Variants in DISC1 observed in about 807,000 individuals in gnomAD.
DISC1 encodes the protein disrupted in schizophrenia 1 protein.
In DISC1, 57 loss-of-function variants were observed where a neutral mutation model predicts 84.5. The ratio of observed to expected loss-of-function variants is 0.67; its 90% CI spans 0.55 to 0.84. The LOEUF is 0.84. Among genes scored for constraint, DISC1 ranks in the 40% least tolerant of loss-of-function variants. The probability of loss-of-function intolerance (pLI) is 0.00; values close to 1 mark genes in which losing one functional copy is unlikely to be tolerated. For synonymous variants in DISC1, 411 were observed against 415.2 expected (o/e 0.99, Z 0.12); for missense variants, 1,000 against 1,057.8 (o/e 0.95, Z 0.76).
chr1:231,664,903 TA>T (rs35686173), intron 1 of DISC1, among the ~76,000 whole-genome samples: 1,558 of 147,320 alleles, frequency 0.011, 25 homozygotes, highest in African/African-American at 0.033. Flanking sequence ...CCTAGAAATA[TA>T]AAAAAAAAAT....
At chr1:231,901,610 A>G (rs1413578213) in intron 9 of DISC1, among the ~76,000 whole-genome samples, 1 of 152,200 alleles carries the variant, frequency 6.6e-6, no homozygotes, top group Non-Finnish European at 1.5e-5. Context: ...TGTATGGCAC[A>G]CTGCAGACAC....
intron 9 of DISC1, among the ~76,000 whole-genome samples, chr1:231,868,996 T>C (rs766675304): frequency 6.6e-6 from 1 of 152,012 alleles, no homozygotes; most frequent in Non-Finnish European, 1.5e-5. Flanking sequence ...GGGTATGTAC[T>C]GTCCCCCACC....
At chr1:231,747,265 T>G (rs11580595) in intron 3 of DISC1, among the ~76,000 whole-genome samples, 37,253 of 151,902 alleles carry the variant, frequency 0.25, 4,953 homozygotes, top group East Asian at 0.43. Context: ...CAGAAGATTT[T>G]TAATTTGATA....
intron 1 of DISC1, among the ~76,000 whole-genome samples, chr1:231,650,731 T>C (rs2060543316): frequency 6.6e-6 from 1 of 152,236 alleles, no homozygotes; most frequent in African/African-American, 2.4e-5. Context: ...TTTCACATAG[T>C]CTCATATTTC....
intron 9 of DISC1, among the ~76,000 whole-genome samples, chr1:231,907,129 T>TCCCTCCCTC (rs1558717532): frequency 2.1e-5 from 1 of 46,738 alleles, no homozygotes; most frequent in African/African-American, 9.4e-5. Context: ...CTTCCTTCCT[T>TCCCTCCCTC]CCTCTTTCTT....
At chr1:231,906,935 G>A (rs558363462) in intron 9 of DISC1, among the ~76,000 whole-genome samples, 1 of 148,520 alleles carries the variant, frequency 6.7e-6, no homozygotes, top group Admixed American at 6.7e-5. Context: ...TAAGCCTAAA[G>A]AATCTTTCTT....
chr1:231,959,291 G>A, intron 10 of DISC1: 1 of 986,528 alleles, frequency 1.0e-6, no homozygotes. Flanking sequence ...CACGTCTTAG[G>A]TTCTGTTTTG....
At chr1:231,787,261 A>G (rs1478625696) in intron 6 of DISC1, among the ~76,000 whole-genome samples, 2 of 152,130 alleles carry the variant, frequency 1.3e-5, no homozygotes, top group Non-Finnish European at 2.9e-5. Context: ...AGTAATTTAT[A>G]AAGAGAGGAG....
chr1:231,662,867 A>G (rs1186802844), intron 1 of DISC1, among the ~76,000 whole-genome samples: 1 of 152,272 alleles, frequency 6.6e-6, no homozygotes, highest in Non-Finnish European at 1.5e-5. Context: ...TCAACAAAAC[A>G]CAAAGAAAAC....
chr1:231,951,316 G>T (rs934169352), intron 9 of DISC1, among the ~76,000 whole-genome samples: 13 of 152,180 alleles, frequency 8.5e-5, no homozygotes, highest in Non-Finnish European at 1.9e-4. Flanking sequence ...TAGCTACTCT[G>T]TCTTCCTTTG....
chr1:231,805,649 C>T (rs911949993), intron 8 of DISC1, among the ~76,000 whole-genome samples: 1 of 152,078 alleles, frequency 6.6e-6, no homozygotes, highest in Non-Finnish European at 1.5e-5. Context: ...GAGAAACTGC[C>T]CCTATGATCC....
chr1:231,951,588 T>C (rs1408124760), intron 9 of DISC1, among the ~76,000 whole-genome samples: 1 of 152,224 alleles, frequency 6.6e-6, no homozygotes, highest in Non-Finnish European at 1.5e-5. Context: ...CAAATCTCCC[T>C]CCATGACGCT....
intron 10 of DISC1, among the ~76,000 whole-genome samples, chr1:232,002,760 T>A (rs568250409): frequency 6.6e-6 from 1 of 152,242 alleles, no homozygotes; most frequent in East Asian, 1.9e-4. Flanking sequence ...GGGGGAGGCA[T>A]GGGACGTAGG....
intron 11 of DISC1, among the ~76,000 whole-genome samples, chr1:232,021,349 C>A (rs1291618428): frequency 1.6e-5 from 2 of 123,800 alleles, no homozygotes; most frequent in Admixed American, 8.5e-5. Flanking sequence ...CACACACACA[C>A]ACACACACAC....
intron 6 of DISC1, among the ~76,000 whole-genome samples, chr1:231,781,863 G>A (rs563255748): frequency 1.3e-5 from 2 of 152,346 alleles, no homozygotes; most frequent in South Asian, 4.1e-4. Flanking sequence ...AGGTAATTTA[G>A]CTCTGCTCAG....
At chr1:231,916,654 C>CAAAAAA (rs3083755) in intron 9 of DISC1, among the ~76,000 whole-genome samples, 3 of 102,084 alleles carry the variant, frequency 2.9e-5, no homozygotes, top group Non-Finnish European at 2.1e-5. Context: ...GACTCCGTCT[C>CAAAAAA]AAAAAAAAAA....
intron 1 of DISC1, among the ~76,000 whole-genome samples, chr1:231,660,034 T>A (rs1417867524): frequency 1.3e-5 from 2 of 152,180 alleles, no homozygotes; most frequent in African/African-American, 4.8e-5. Flanking sequence ...CTTTATTAAT[T>A]TTCTGTCTTG....
chr1:231,818,543 G>T, intron 9 of DISC1, 26 bp downstream of exon 9: 2 of 1,613,518 alleles, frequency 1.2e-6, no homozygotes, highest in Non-Finnish European at 8.5e-7. Context: ...CTGTTCCCCG[G>T]CAAGATATTG....
rs917896137 is a variant in DISC1, at chr1:231,888,461, C to T, written c.1981+69944C>T. ...AGAAGGCTTAGAAGAGTGTCCACCCCAGGCCAGGTGCGGTGGCTCACACCT... is the reference window on the plus strand; with the variant it reads ...AGAAGGCTTAGAAGAGTGTCCACCCTAGGCCAGGTGCGGTGGCTCACACCT... On this transcript the variant is annotated intron_variant, in intron 9 of 12. Coordinates refer to ENST00000439617, the MANE Select transcript of DISC1 (RefSeq NM_018662.3). Among the ~76,000 whole-genome samples, 5 of 151,958 alleles carry T rather than the reference C, an allele frequency of 3.3e-5. No homozygotes were observed. The East Asian group carries it at 9.7e-4, about 30-fold the overall frequency.
Sources: allele counts gnomAD v4.1 joint callset (sites outside exome capture counted in the v4.1 genomes callset), GRCh38; gene constraint gnomAD v4.1.1; transcripts MANE v1.5; gene names NCBI Gene and HGNC (gene_info 2026-07-23, HGNC 2026-07-21).